Variants in COG5 observed in about 807,000 individuals in gnomAD.
The protein encoded by COG5 is component of oligomeric golgi complex 5, also known as conserved oligomeric Golgi complex subunit 5.
A neutral mutation model predicts 110.4 loss-of-function variants in COG5; 86 were observed. That is an observed-to-expected ratio of 0.78 (90% CI 0.65 to 0.93). COG5 has a LOEUF of 0.93. Among genes scored for constraint, COG5 ranks in the 40% least tolerant of loss-of-function variants. The pLI is 0.00. For missense variants in COG5, 1,077 were observed against 987.0 expected, an observed-to-expected ratio of 1.09 and a Z score of -1.22; for synonymous variants, 360 against 334.6, an observed-to-expected ratio of 1.08 and a Z score of -0.83.
intron 6 of COG5, among the ~76,000 whole-genome samples, chr7:107,462,910 A>G (rs1299536759): frequency 2.0e-5 from 3 of 152,228 alleles, no homozygotes; most frequent in Non-Finnish European, 4.4e-5. Context: ...TAGTCTTCTA[A>G]CAGCAGACCT....
At chr7:107,451,279 A>G (rs1350515797) in intron 6 of COG5, among the ~76,000 whole-genome samples, 1 of 152,198 alleles carries the variant, frequency 6.6e-6, no homozygotes, top group Non-Finnish European at 1.5e-5. Flanking sequence ...GAAGGGTTTC[A>G]GGAGTGTTTC....
chr7:107,436,803 A>G (rs1325231107), intron 6 of COG5, among the ~76,000 whole-genome samples: 1 of 152,328 alleles, frequency 6.6e-6, no homozygotes, highest in Admixed American at 6.5e-5. Flanking sequence ...GAGTTGGATC[A>G]TGAGTGCTCA....
chr7:107,508,224 G>A (rs767997666), intron 6 of COG5, among the ~76,000 whole-genome samples: 14 of 152,202 alleles, frequency 9.2e-5, no homozygotes, highest in Non-Finnish European at 1.6e-4. Context: ...GGCACACCAG[G>A]GGATTATATC....
At chr7:107,250,267 T>C (rs1175622910) in intron 16 of COG5, among the ~76,000 whole-genome samples, 6 of 151,894 alleles carry the variant, frequency 4.0e-5, no homozygotes, top group Admixed American at 3.9e-4. Flanking sequence ...TCGGCACGAG[T>C]CTTCAGCTAA....
At position 107,304,106 on chromosome 7, in the gene COG5, G is replaced by A. The variant is rs535378401; in HGVS notation, c.1109-5760C>T. ...ATAATAGGTCTGGGGAAAAACCTCT[G>A]ATTAAGAAAGTATGCCTTTGATTTT... On this transcript the variant is annotated intron_variant, in intron 11 of 21. Transcript: ENST00000297135. Among the ~76,000 whole-genome samples, 7 of 152,228 alleles carry A rather than the reference G, an allele frequency of 4.6e-5. No homozygotes were observed. The South Asian group carries it at 1.5e-3, about 32-fold the overall frequency.
intron 1 of COG5, among the ~76,000 whole-genome samples, chr7:107,563,136 C>G (rs1188471846): frequency 2.0e-5 from 3 of 152,126 alleles, no homozygotes; most frequent in Non-Finnish European, 4.4e-5. Context: ...ATATGCTTTT[C>G]AAGTATATTA....
chr7:107,507,291 T>C (rs1799087241), intron 6 of COG5, among the ~76,000 whole-genome samples: 1 of 145,334 alleles, frequency 6.9e-6, no homozygotes, highest in African/African-American at 2.5e-5. Context: ...AACTTCCTTT[T>C]CTTTTCTTTT....
At chr7:107,352,543 T>TTATCCC (rs1434207351) in intron 10 of COG5, among the ~76,000 whole-genome samples, 1 of 147,472 alleles carries the variant, frequency 6.8e-6, no homozygotes, top group Non-Finnish European at 1.5e-5. Flanking sequence ...TCTACCTGGT[T>TTATCCC]TATCCCTATT....
intron 11 of COG5, among the ~76,000 whole-genome samples, chr7:107,314,620 G>A (rs929065390): frequency 6.6e-5 from 10 of 151,182 alleles, no homozygotes; most frequent in Admixed American, 2.0e-4. Flanking sequence ...CATGGTGGGC[G>A]TGCCTGTAAT....
At chr7:107,528,051 G>A (rs1183929851) in intron 5 of COG5, among the ~76,000 whole-genome samples, 5 of 151,868 alleles carry the variant, frequency 3.3e-5, no homozygotes, top group African/African-American at 1.2e-4. Flanking sequence ...ATATCCTGCA[G>A]GAGTAGTCTT....
intron 8 of COG5, among the ~76,000 whole-genome samples, chr7:107,367,591 A>T (rs1427253609): frequency 1.3e-5 from 2 of 152,048 alleles, no homozygotes. Context: ...CACACCATGG[A>T]ACACTACTCA....
intron 14 of COG5, among the ~76,000 whole-genome samples, chr7:107,265,889 T>C (rs1446062032): frequency 6.6e-6 from 1 of 151,968 alleles, no homozygotes; most frequent in Non-Finnish European, 1.5e-5. Context: ...ACCCTGTCTC[T>C]ACAAAAAATG....
At chr7:107,380,143 A>G (rs1288764627) in intron 7 of COG5, among the ~76,000 whole-genome samples, 2 of 152,088 alleles carry the variant, frequency 1.3e-5, no homozygotes, top group African/African-American at 2.4e-5. Context: ...ACACAGACAC[A>G]ATGTACCAGA....
chr7:107,458,773 C>G (rs1017477533), intron 6 of COG5, among the ~76,000 whole-genome samples: 1 of 152,046 alleles, frequency 6.6e-6, no homozygotes, highest in African/African-American at 2.4e-5. Context: ...GCAGGAAGAT[C>G]ACTTGAGCCC....
At position 107,311,442 on chromosome 7, in the gene COG5, G is replaced by A. The variant is rs1202297448; in HGVS notation, c.1108+12998C>T. Among the ~76,000 whole-genome samples, 5 of 122,930 alleles carry A rather than the reference G, an allele frequency of 4.1e-5. No homozygotes were observed. In the South Asian group the frequency reaches 8.3e-4, roughly 20 times the overall value. The allele number at this position is 122,930 out of a possible 152,430, so 80.6% of individuals were successfully genotyped here. On this transcript the variant is annotated intron_variant, in intron 11 of 21. Transcript: ENST00000297135. ...CGCTCTGTCGCCCAGGCCAGACTGC[G>A]GACTGCAGTGGCGCAATCTCGGCTC...
At chr7:107,321,475 A>G (rs936719379) in intron 11 of COG5, among the ~76,000 whole-genome samples, 3 of 152,196 alleles carry the variant, frequency 2.0e-5, no homozygotes, top group Admixed American at 2.0e-4. Flanking sequence ...TGGAAATGCA[A>G]AAGACCTATG....
chr7:107,506,543 G>C (rs1799022406), intron 6 of COG5, among the ~76,000 whole-genome samples: 1 of 152,190 alleles, frequency 6.6e-6, no homozygotes, highest in African/African-American at 2.4e-5. Flanking sequence ...CTGCTGCACA[G>C]AGAATTGTAT....
chr7:107,211,343 C>A, intron 19 of COG5, 118 bp from the exon 20 acceptor site: 1 of 1,131,884 alleles, frequency 8.8e-7, no homozygotes, highest in East Asian at 2.5e-5. Context: ...TGAAGGAGCC[C>A]TCCACTGCTT....
At chr7:107,557,400 TAC>T (rs796433845) in intron 2 of COG5, among the ~76,000 whole-genome samples, 3 of 152,344 alleles carry the variant, frequency 2.0e-5, no homozygotes, top group African/African-American at 4.8e-5. Flanking sequence ...AGTTATCTAC[TAC>T]AGTCTCCTCT....
Sources: gnomAD v4.1 joint callset for allele counts (sites outside exome capture counted in the v4.1 genomes callset) on GRCh38, gnomAD v4.1.1 for gene constraint, MANE v1.5 for transcripts, NCBI Gene and HGNC (gene_info 2026-07-23, HGNC 2026-07-21) for gene names.